The following TBC1D2B variants were observed in gnomAD, a reference collection of about 807,000 sequenced individuals.
The protein encoded by TBC1D2B is TBC1 domain family member 2B, also known as TBC1 domain family, member 2B.
A neutral mutation model predicts 100.8 loss-of-function variants in TBC1D2B; 64 were observed. That is an observed-to-expected ratio of 0.64 (90% CI 0.52 to 0.78). TBC1D2B has a LOEUF of 0.78. Among genes scored for constraint, TBC1D2B ranks in the 30% least tolerant of loss-of-function variants. The pLI, the probability that TBC1D2B is intolerant of heterozygous loss-of-function variation, is 0.00. For synonymous variants in TBC1D2B, 480 were observed against 479.7 expected (o/e 1.00, Z -0.01); for missense variants, 1,052 against 1,218.4 (o/e 0.86, Z 2.03).
chr15:78,037,767 AT>A (rs977320009), intron 3 of TBC1D2B, among the ~76,000 whole-genome samples: 2 of 152,258 alleles, frequency 1.3e-5, no homozygotes, highest in African/African-American at 4.8e-5. Context: ...CATGACAAGC[AT>A]TTTTTTAGTA....
At chr15:78,044,395 C>T (rs1260122171) in intron 3 of TBC1D2B, among the ~76,000 whole-genome samples, 1 of 152,154 alleles carries the variant, frequency 6.6e-6, no homozygotes, top group Admixed American at 6.5e-5. Context: ...GACTTGAGAC[C>T]AGCCTGGGCA....
At chr15:78,007,527 C>T (rs1018722280) in intron 10 of TBC1D2B, among the ~76,000 whole-genome samples, 1 of 152,158 alleles carries the variant, frequency 6.6e-6, no homozygotes, top group African/African-American at 2.4e-5. Context: ...ATGTGAGGAG[C>T]ACAGGCGGGA....
chr15:78,031,654 T>C (rs2072818672), intron 3 of TBC1D2B, among the ~76,000 whole-genome samples: 1 of 151,168 alleles, frequency 6.6e-6, no homozygotes, highest in African/African-American at 2.4e-5. Context: ...AAATGAGTCA[T>C]GGCTATCTGA....
In TBC1D2B at chr15:78,013,325, T is replaced by TA. The variant is rs763919435; in HGVS notation, c.1776-9dup. On this transcript the variant is annotated splice_polypyrimidine_tract_variant and intron_variant, in intron 8 of 12. Coordinates refer to ENST00000300584, the MANE Select transcript of TBC1D2B (RefSeq NM_144572.2). ...CCATAAATATCATATTCACTGTTGA[T>TA]AAAAACAAAAGGAAAAATTAAAATG... The TA allele has an allele frequency of 5.7e-6, 9 of 1,569,672 alleles. No homozygotes were observed.
rs1428236934 is a variant in TBC1D2B, at chr15:78,077,679, C to T, written c.-27G>A. 5.1e-6 allele frequency: 5 copies of T among 986,752 alleles called. No homozygotes were observed. The highest frequency in any genetic ancestry group is 9.0e-5 in the South Asian group (2 of 22,104). 61.1% of individuals were successfully genotyped at this position (986,752 alleles called of 1,614,324 possible). A position where few individuals can be genotyped will look rare whatever the true frequency, so the allele number is the denominator to read the frequency against. ...GCTACCGCGCGCCAACCGTAGGCGC[C>T]CGCGCCCTGCGCCTCCGCGCCGCGG... On this transcript the variant is annotated 5_prime_UTR_variant, in exon 1 of 13. Coordinates refer to ENST00000300584, the MANE Select transcript of TBC1D2B (RefSeq NM_144572.2).
chr15:78,034,246 A>G (rs1482773006), intron 3 of TBC1D2B, among the ~76,000 whole-genome samples: 1 of 152,224 alleles, frequency 6.6e-6, no homozygotes, highest in Non-Finnish European at 1.5e-5. Flanking sequence ...AGAGAAAACT[A>G]TTTCAAAATA....
intron 3 of TBC1D2B, among the ~76,000 whole-genome samples, chr15:78,040,291 T>C (rs2073044197): frequency 6.6e-6 from 1 of 152,194 alleles, no homozygotes; most frequent in African/African-American, 2.4e-5. Context: ...GGAATCCATA[T>C]AAAAGGAACT....
chr15:78,003,576 G>C (rs2071977758), intron 10 of TBC1D2B, 86 bp from the exon 11 acceptor site: 1 of 1,021,770 alleles, frequency 9.8e-7, no homozygotes, highest in Non-Finnish European at 1.5e-6. Flanking sequence ...CTGAGAGCCT[G>C]GGGGTGGAGC....
Position 77,995,722 on chromosome 15 carries a change from C to T in TBC1D2B, c.*2438G>A, listed in dbSNP as rs1362930892. ...GCAGGTGTTGGGAGGGAGCTCCCCT[C>T]GGTCCTGGTGCGCACGTTTGGACAG... On this transcript the variant is annotated 3_prime_UTR_variant, in exon 13 of 13. Coordinates refer to ENST00000300584, the MANE Select transcript of TBC1D2B (RefSeq NM_144572.2). 2.6e-5 allele frequency: 4 copies of T among 152,526 alleles called. No homozygotes were observed. Among genetic ancestry groups the T allele is most frequent in the African/African-American group, 4.8e-5 (2 of 41,476 alleles). 9.4% of individuals were successfully genotyped at this position (152,526 alleles called of 1,614,324 possible).
chr15:77,999,439 C>G (rs2071852182), intron 12 of TBC1D2B: 2 of 333,840 alleles, frequency 6.0e-6, no homozygotes, highest in Admixed American at 7.0e-5. Context: ...GAAAGGCCAG[C>G]TTTATTTAAA....
At chr15:78,067,232 G>A (rs1237176843) in intron 1 of TBC1D2B, among the ~76,000 whole-genome samples, 1 of 152,192 alleles carries the variant, frequency 6.6e-6, no homozygotes, top group Non-Finnish European at 1.5e-5. Flanking sequence ...TGATCTCTGA[G>A]GGCCTCTCCA....
chr15:78,024,069 C>T, intron 6 of TBC1D2B, 87 bp downstream of exon 6: 3 of 1,479,000 alleles, frequency 2.0e-6, no homozygotes, highest in Non-Finnish European at 2.7e-6. Flanking sequence ...TCTGCCGTCA[C>T]ACCAAATCAG....
intron 3 of TBC1D2B, among the ~76,000 whole-genome samples, chr15:78,041,439 G>A (rs2073093180): frequency 1.3e-5 from 2 of 152,160 alleles, no homozygotes; most frequent in South Asian, 2.1e-4. Context: ...GCTCTACTGA[G>A]GAACCTTAAA....
Position 78,013,276 on chromosome 15 carries a change from T to C in TBC1D2B, c.1817A>G (p.Asp606Gly), listed in dbSNP as rs1207824675. 1.2e-6 allele frequency: 2 copies of C among 1,613,930 alleles called. No homozygotes were observed. The highest frequency in any genetic ancestry group is 4.5e-5 in the East Asian group (2 of 44,882). ...IYGFRTVPED[D>G]EEEKLVAKVR... ...CTTGGCAACCAATTTCTCTTCCTCA[T>C]CATCCTCAGGTACAGTCCTGAACCC... The change falls in exon 9 of 13, where the codon GAT (aspartate) becomes GGT (glycine). Residue 606 changes from aspartate (D) to glycine (G), a missense_variant. This residue lies in a region of TBC1D2B where 373 missense variants were observed against 464.9 expected (regional missense o/e 0.80). Coordinates refer to ENST00000300584, the MANE Select transcript of TBC1D2B (RefSeq NM_144572.2).
chr15:78,012,852 T>C lies in TBC1D2B; in HGVS notation c.2241A>G (p.Pro747=), dbSNP rs778854483. ...TTAGGCCTTGACAGTAGCCGATATC[T>C]GGATTCCGCCAGGAGAAGGCGAGGA... is the stretch of plus-strand genomic sequence containing the variant. The part of the protein sequence containing the change: ...NVLLAFSWRN[P]DIGYCQGLNR... The change falls in exon 9 of 13, where the codon CCA becomes CCG. Residue 747 remains proline (P), a synonymous_variant. Coordinates refer to ENST00000300584, the MANE Select transcript of TBC1D2B (RefSeq NM_144572.2). 2 of 1,514,368 alleles carry C rather than the reference T, an allele frequency of 1.3e-6. No individual in the cohort carries two copies. Among genetic ancestry groups the C allele is most frequent in the Non-Finnish European group, 1.8e-6 (2 of 1,132,194 alleles). The allele number at this position is 1,514,368 out of a possible 1,614,324, so 93.8% of individuals were successfully genotyped here.
intron 9 of TBC1D2B, among the ~76,000 whole-genome samples, chr15:78,011,167 G>A (rs948553460): frequency 3.9e-5 from 6 of 152,108 alleles, no homozygotes; most frequent in Non-Finnish European, 8.8e-5. Flanking sequence ...CACCTTCTGA[G>A]GGCACATAGA....
chr15:78,022,537 A>C (rs1668249978), intron 6 of TBC1D2B, among the ~76,000 whole-genome samples: 2 of 138,556 alleles, frequency 1.4e-5, no homozygotes, highest in African/African-American at 5.0e-5. Flanking sequence ...ACAAACAAAA[A>C]CCACAAAGCC....
At chr15:78,053,436 C>T (rs930646500) in intron 2 of TBC1D2B, among the ~76,000 whole-genome samples, 1 of 152,124 alleles carries the variant, frequency 6.6e-6, no homozygotes, top group African/African-American at 2.4e-5. Context: ...AAAAAACAGT[C>T]CCATCTCCAC....
chr15:78,065,121 G>A (rs991362225), intron 1 of TBC1D2B, among the ~76,000 whole-genome samples: 1 of 152,176 alleles, frequency 6.6e-6, no homozygotes, highest in African/African-American at 2.4e-5. Flanking sequence ...ATTCTGGTAG[G>A]TGGTGGTCTG....
Sources: allele counts gnomAD v4.1 joint callset (sites outside exome capture counted in the v4.1 genomes callset), GRCh38; gene constraint gnomAD v4.1.1; regional missense constraint gnomAD v4.1.1; transcripts MANE v1.5; gene names NCBI Gene and HGNC (gene_info 2026-07-23, HGNC 2026-07-21).